ATP8A2: variants seen among roughly 807,000 people sequenced by gnomAD.
ATP8A2 encodes the protein ATPase phospholipid transporting 8A2, also known as phospholipid-transporting ATPase IB.
A neutral mutation model predicts 165.6 loss-of-function variants in ATP8A2; 100 were observed. That is an observed-to-expected ratio of 0.60 (90% CI 0.51 to 0.71). ATP8A2 has a LOEUF of 0.71. Ranked by LOEUF, ATP8A2 falls within the 30% of genes least tolerant of loss-of-function variation. The pLI is 0.00. For missense variants in ATP8A2, 1,227 were observed against 1,479.5 expected, an observed-to-expected ratio of 0.83 and a Z score of 2.80; for synonymous variants, 543 against 548.8, an observed-to-expected ratio of 0.99 and a Z score of 0.15.
intron 1 of ATP8A2, among the ~76,000 whole-genome samples, chr13:25,393,583 C>G (rs2033321571): frequency 6.6e-6 from 1 of 151,936 alleles, no homozygotes; most frequent in Non-Finnish European, 1.5e-5. Context: ...GCCCAGCTAA[C>G]TTTTGTATTT....
intron 24 of ATP8A2, among the ~76,000 whole-genome samples, chr13:25,593,612 T>TA (rs1381101976): frequency 6.6e-6 from 1 of 152,204 alleles, no homozygotes; most frequent in Non-Finnish European, 1.5e-5. Context: ...TGATAATACG[T>TA]AAGGATTGCC....
At chr13:25,678,068 C>G (rs575153376) in intron 24 of ATP8A2, among the ~76,000 whole-genome samples, 212 of 152,250 alleles carry the variant, frequency 1.4e-3, no homozygotes, top group Middle Eastern at 3.4e-3. Context: ...CATGATAGCT[C>G]AGACGACCCA....
intron 25 of ATP8A2, among the ~76,000 whole-genome samples, chr13:25,710,398 A>G (rs936326836): frequency 2.0e-5 from 3 of 152,212 alleles, no homozygotes; most frequent in South Asian, 4.1e-4. Context: ...TGTACCCGTT[A>G]GCCAACCCCT....
intron 2 of ATP8A2, among the ~76,000 whole-genome samples, chr13:25,490,398 T>G (rs2036489752): frequency 6.6e-6 from 1 of 152,194 alleles, no homozygotes; most frequent in Non-Finnish European, 1.5e-5. Context: ...CTCCCATGCC[T>G]GAAGCTGCTG....
chr13:25,586,955 A>T (rs2039938437), intron 23 of ATP8A2, among the ~76,000 whole-genome samples: 1 of 152,212 alleles, frequency 6.6e-6, no homozygotes, highest in African/African-American at 2.4e-5. Flanking sequence ...AATGTTGATT[A>T]TACTCAGGTA....
rs71080217 is a variant in ATP8A2, at chr13:26,025,116, CAAAAAAAAAAAAA to C, written c.*5140_*5152del. 1 of 94,818 alleles carries C rather than the reference CAAAAAAAAAAAAA, an allele frequency of 1.1e-5. No homozygotes were observed. Among genetic ancestry groups the C allele is most frequent in the African/African-American group, 4.1e-5 (1 of 24,530 alleles). The allele number at this position is 94,818 out of a possible 1,614,324, so 5.9% of individuals were successfully genotyped here. A position where few individuals can be genotyped will look rare whatever the true frequency, so the allele number is the denominator to read the frequency against. On this transcript the variant is annotated 3_prime_UTR_variant, in exon 37 of 37. Coordinates refer to ENST00000381655, the MANE Select transcript of ATP8A2 (RefSeq NM_016529.6). ...GTGAATCAATAAACACCAACAACAA[CAAAAAAAAAAAAA>C]AAAAAAAAGGAAGAAAAGAAAAAAA...
At chr13:25,506,989 TAAG>T (rs1275844872) in intron 2 of ATP8A2, among the ~76,000 whole-genome samples, 1 of 143,652 alleles carries the variant, frequency 7.0e-6, no homozygotes, top group African/African-American at 2.6e-5. Flanking sequence ...AACTTATAAA[TAAG>T]AAACTAAATA....
At chr13:25,466,985 A>G (rs1045911974) in intron 1 of ATP8A2, among the ~76,000 whole-genome samples, 52 of 152,238 alleles carry the variant, frequency 3.4e-4, no homozygotes, top group African/African-American at 1.2e-3. Context: ...TCTGTCTTAC[A>G]TCAGCAAATG....
At chr13:25,666,993 A>C (rs2042167740) in intron 24 of ATP8A2, among the ~76,000 whole-genome samples, 1 of 152,198 alleles carries the variant, frequency 6.6e-6, no homozygotes, top group East Asian at 1.9e-4. Context: ...TTTGTTATGG[A>C]GGTAAAAATT....
At chr13:25,743,026 C>A (rs1159430158) in intron 25 of ATP8A2, among the ~76,000 whole-genome samples, 5 of 152,070 alleles carry the variant, frequency 3.3e-5, no homozygotes, top group Non-Finnish European at 7.4e-5. Flanking sequence ...AAAGTCCTAA[C>A]CTGCTAGTAC....
chr13:25,571,155 C>T (rs773306662), intron 17 of ATP8A2, among the ~76,000 whole-genome samples: 9 of 152,186 alleles, frequency 5.9e-5, no homozygotes, highest in Non-Finnish European at 1.2e-4. Flanking sequence ...GAAGAAAGAA[C>T]AGAGCTGGCT....
At chr13:25,701,651 CA>C (rs2042953884) in intron 25 of ATP8A2, among the ~76,000 whole-genome samples, 1 of 151,842 alleles carries the variant, frequency 6.6e-6, no homozygotes, top group Admixed American at 6.6e-5. Context: ...GTTGGATTCT[CA>C]GGGGAGATCC....
chr13:25,509,576 T>A (rs937476482), intron 2 of ATP8A2, among the ~76,000 whole-genome samples: 4 of 152,154 alleles, frequency 2.6e-5, no homozygotes, highest in African/African-American at 7.2e-5. Flanking sequence ...ATGTGTAATA[T>A]GTTGTGTTTT....
intron 35 of ATP8A2, among the ~76,000 whole-genome samples, chr13:26,000,901 T>C (rs1956619406): frequency 6.6e-6 from 1 of 152,184 alleles, no homozygotes; most frequent in Non-Finnish European, 1.5e-5. Context: ...TAACATTTAC[T>C]ATTTTATAGT....
chr13:25,871,603 A>T (rs1952679683), intron 33 of ATP8A2, among the ~76,000 whole-genome samples: 1 of 152,204 alleles, frequency 6.6e-6, no homozygotes, highest in Admixed American at 6.5e-5. Flanking sequence ...ATAAATGATG[A>T]TGCAAAAGCT....
intron 24 of ATP8A2, among the ~76,000 whole-genome samples, chr13:25,666,755 G>T (rs1335201209): frequency 6.6e-6 from 1 of 152,128 alleles, no homozygotes; most frequent in African/African-American, 2.4e-5. Flanking sequence ...TGCTTTCAGG[G>T]AGACTAGTTC....
chr13:25,728,557 A>C (rs207473606), intron 25 of ATP8A2, among the ~76,000 whole-genome samples: 2 of 152,200 alleles, frequency 1.3e-5, no homozygotes, highest in African/African-American at 4.8e-5. Flanking sequence ...TGTGATGGGC[A>C]GATAAAATGT....
chr13:25,506,968 T>C (rs2037062884), intron 2 of ATP8A2, among the ~76,000 whole-genome samples: 1 of 148,132 alleles, frequency 6.8e-6, no homozygotes, highest in Admixed American at 6.8e-5. Flanking sequence ...TATATCTTAT[T>C]TTACATATAA....
intron 1 of ATP8A2, among the ~76,000 whole-genome samples, chr13:25,431,042 G>GGTGT (rs1566127181): frequency 6.6e-6 from 1 of 151,748 alleles, no homozygotes; most frequent in Non-Finnish European, 1.5e-5. Flanking sequence ...ACACATAATG[G>GGTGT]GTGTGTGCAT....
Sources: allele counts gnomAD v4.1 joint callset (sites outside exome capture counted in the v4.1 genomes callset), GRCh38; gene constraint gnomAD v4.1.1; transcripts MANE v1.5; gene names NCBI Gene and HGNC (gene_info 2026-07-23, HGNC 2026-07-21).